The following RALGPS1 variants were observed in gnomAD, a reference collection of about 807,000 sequenced individuals.
The protein encoded by RALGPS1 is ras-specific guanine nucleotide-releasing factor RalGPS1.
Under a neutral mutation model 78.8 loss-of-function variants are expected in RALGPS1, and 19 were observed. The observed-to-expected ratio is 0.24, with a 90% CI of 0.17 to 0.35. The LOEUF (loss-of-function observed/expected upper bound fraction) is 0.35. RALGPS1 is among the 10% of genes least tolerant of loss of function. The pLI is 1.00. For missense variants in RALGPS1, 454 were observed against 688.3 expected (o/e 0.66, Z 3.81); for synonymous variants, 228 against 256.3 (o/e 0.89, Z 1.06).
chr9:127,084,515 C>T (rs1307009770), intron 8 of RALGPS1, among the ~76,000 whole-genome samples: 2 of 152,192 alleles, frequency 1.3e-5, no homozygotes, highest in South Asian at 4.1e-4. Context: ...TCAATGTGGG[C>T]CCCTCTTCCC....
intron 1 of RALGPS1, among the ~76,000 whole-genome samples, chr9:126,945,367 T>C (rs759346722): frequency 2.0e-5 from 3 of 152,050 alleles, no homozygotes; most frequent in Non-Finnish European, 4.4e-5. Context: ...CCCAGCTAAT[T>C]TTTTGTATTT....
At chr9:127,015,314 A>G (rs2044711254) in intron 4 of RALGPS1, among the ~76,000 whole-genome samples, 1 of 152,208 alleles carries the variant, frequency 6.6e-6, no homozygotes, top group East Asian at 1.9e-4. Context: ...AATTTTAGTT[A>G]TGTGTAACCT....
intron 7 of RALGPS1, among the ~76,000 whole-genome samples, chr9:127,066,225 G>A (rs1211569958): frequency 6.6e-6 from 1 of 152,246 alleles, no homozygotes; most frequent in African/African-American, 2.4e-5. Context: ...GGCACAGTGT[G>A]TGTGAGGAGG....
chr9:127,054,940 T>G (rs1239956655), intron 7 of RALGPS1, among the ~76,000 whole-genome samples: 1 of 151,152 alleles, frequency 6.6e-6, no homozygotes, highest in Non-Finnish European at 1.5e-5. Flanking sequence ...ATTATGCCAC[T>G]GCCCTCCAGG....
intron 1 of RALGPS1, among the ~76,000 whole-genome samples, chr9:126,946,472 T>C (rs562940154): frequency 6.9e-6 from 1 of 144,422 alleles, no homozygotes; most frequent in South Asian, 2.2e-4. Context: ...AGACGGAGGT[T>C]GCAGTGAGCT....
chr9:127,002,677 A>G (rs2043452207), intron 4 of RALGPS1, among the ~76,000 whole-genome samples: 2 of 142,768 alleles, frequency 1.4e-5, no homozygotes, highest in South Asian at 4.5e-4. Context: ...GTTCCCACCT[A>G]TGAGCGAGAA....
intron 14 of RALGPS1, among the ~76,000 whole-genome samples, chr9:127,209,971 G>A (rs114146869): frequency 6.6e-6 from 1 of 152,210 alleles, no homozygotes; most frequent in Non-Finnish European, 1.5e-5. Flanking sequence ...TGGGGAGAAG[G>A]TTGGAACATC....
chr9:126,994,117 G>A (rs201560670), intron 4 of RALGPS1, among the ~76,000 whole-genome samples: 1 of 152,160 alleles, frequency 6.6e-6, no homozygotes, highest in Non-Finnish European at 1.5e-5. Flanking sequence ...CTAAAAATCA[G>A]AGCACCTCTC....
intron 10 of RALGPS1, among the ~76,000 whole-genome samples, chr9:127,171,125 G>A (rs1048530289): frequency 5.9e-5 from 9 of 152,118 alleles, no homozygotes; most frequent in African/African-American, 1.9e-4. Flanking sequence ...ATTCCCCACA[G>A]CCTTTATTCT....
At chr9:127,053,916 T>C (rs2048501726) in intron 7 of RALGPS1, among the ~76,000 whole-genome samples, 1 of 152,258 alleles carries the variant, frequency 6.6e-6, no homozygotes, top group Non-Finnish European at 1.5e-5. Context: ...ATTCAGAGCA[T>C]GACTTCTGTG....
chr9:127,071,037 C>CTATA (rs147935879), intron 8 of RALGPS1, among the ~76,000 whole-genome samples: 3,604 of 147,654 alleles, frequency 0.024, 116 homozygotes, highest in Admixed American at 0.11. Flanking sequence ...CTCTCTCTCT[C>CTATA]TCTATATATA....
intron 1 of RALGPS1, among the ~76,000 whole-genome samples, chr9:126,944,820 G>T (rs937427566): frequency 6.6e-6 from 1 of 152,094 alleles, no homozygotes. Flanking sequence ...TCCAGTCTAG[G>T]GTCCCTCAGT....
intron 8 of RALGPS1, among the ~76,000 whole-genome samples, chr9:127,119,393 C>T (rs1322229316): frequency 3.3e-5 from 5 of 152,164 alleles, no homozygotes; most frequent in Non-Finnish European, 7.3e-5. Context: ...GGCAGGGACC[C>T]AGTGACAGTC....
At chr9:127,047,862 T>G (rs1220839893) in intron 5 of RALGPS1, among the ~76,000 whole-genome samples, 1 of 152,134 alleles carries the variant, frequency 6.6e-6, no homozygotes, top group African/African-American at 2.4e-5. Context: ...CTTCTGAAGT[T>G]AAAAACTTAA....
chr9:127,078,727 T>C (rs1245379532), intron 8 of RALGPS1, among the ~76,000 whole-genome samples: 1 of 152,206 alleles, frequency 6.6e-6, no homozygotes, highest in Non-Finnish European at 1.5e-5. Flanking sequence ...CAAAACGAGG[T>C]ATGAGCATAA....
intron 4 of RALGPS1, among the ~76,000 whole-genome samples, chr9:126,995,704 C>T (rs1219653360): frequency 6.6e-6 from 1 of 152,174 alleles, no homozygotes; most frequent in Non-Finnish European, 1.5e-5. Flanking sequence ...ACAGAACTCT[C>T]CACCCCAAAT....
At chr9:127,025,980 A>G (rs2045930795) in intron 4 of RALGPS1, among the ~76,000 whole-genome samples, 1 of 152,226 alleles carries the variant, frequency 6.6e-6, no homozygotes, top group African/African-American at 2.4e-5. Flanking sequence ...CTGGGATTAC[A>G]GATGTGGTTT....
intron 1 of RALGPS1, among the ~76,000 whole-genome samples, chr9:126,925,742 G>A (rs2035215965): frequency 6.6e-6 from 1 of 152,102 alleles, no homozygotes; most frequent in Non-Finnish European, 1.5e-5. Flanking sequence ...CTGCAAAAGA[G>A]GAGTATAAGG....
intron 8 of RALGPS1, among the ~76,000 whole-genome samples, chr9:127,070,364 A>G (rs570379124): frequency 1.7e-4 from 26 of 152,322 alleles, no homozygotes; most frequent in South Asian, 8.3e-4. Context: ...AAATGTCTCA[A>G]TGAACGTCCT....
Sources: gnomAD v4.1 joint callset for allele counts (sites outside exome capture counted in the v4.1 genomes callset) on GRCh38, gnomAD v4.1.1 for gene constraint, MANE v1.5 for transcripts, NCBI Gene and HGNC (gene_info 2026-07-23, HGNC 2026-07-21) for gene names.